Variants in SCAF8 observed in about 807,000 individuals in gnomAD.
SCAF8 encodes the protein SR-related and CTD-associated factor 8.
Under a neutral mutation model 140.5 loss-of-function variants are expected in SCAF8, and 23 were observed. That is an observed-to-expected ratio of 0.16 (90% CI 0.12 to 0.23). The LOEUF (loss-of-function observed/expected upper bound fraction) is 0.23. SCAF8 is among the 10% of genes least tolerant of loss of function. SCAF8 has a pLI of 1.00. For missense variants in SCAF8, 1,397 were observed against 1,555.7 expected (o/e 0.90, Z 1.72); for synonymous variants, 575 against 528.9 (o/e 1.09, Z -1.20).
At chr6:154,765,186 C>T (rs142377527) in intron 1 of SCAF8, among the ~76,000 whole-genome samples, 180 of 152,286 alleles carry the variant, frequency 1.2e-3, no homozygotes, top group South Asian at 2.1e-3. Flanking sequence ...AAATTCTCAA[C>T]AAATGGTCTT....
At chr6:154,805,845 C>T (rs940013671) in intron 9 of SCAF8, among the ~76,000 whole-genome samples, 1 of 152,044 alleles carries the variant, frequency 6.6e-6, no homozygotes, top group Non-Finnish European at 1.5e-5. Context: ...TCTCTCTGTT[C>T]CCTATCAAGC....
chr6:154,827,840 G>A (rs1004128676), intron 18 of SCAF8, among the ~76,000 whole-genome samples: 2 of 150,516 alleles, frequency 1.3e-5, no homozygotes, highest in Non-Finnish European at 3.0e-5. Context: ...GGGGCGGGGG[G>A]GGGGGCGGTG....
chr6:154,753,982 C>T (rs1389652380), intron 1 of SCAF8, among the ~76,000 whole-genome samples: 1 of 152,156 alleles, frequency 6.6e-6, no homozygotes, highest in Non-Finnish European at 1.5e-5. Context: ...GAATTATAGG[C>T]GCGAGCCACT....
At chr6:154,770,386 A>ACTCT (rs1195298497) in intron 1 of SCAF8, among the ~76,000 whole-genome samples, 196 of 133,466 alleles carry the variant, frequency 1.5e-3, no homozygotes, top group African/African-American at 3.9e-3. Context: ...ACACACACAC[A>ACTCT]CACTCTCTCT....
intron 18 of SCAF8, among the ~76,000 whole-genome samples, chr6:154,829,827 AAC>A (rs1301708800): frequency 6.6e-6 from 1 of 152,176 alleles, no homozygotes; most frequent in Non-Finnish European, 1.5e-5. Context: ...GAATCACTTG[AAC>A]CCAGGAGGTG....
At chr6:154,795,837 C>A (rs183337641) in intron 6 of SCAF8, among the ~76,000 whole-genome samples, 4 of 152,234 alleles carry the variant, frequency 2.6e-5, no homozygotes, top group Non-Finnish European at 4.4e-5. Flanking sequence ...TCCATTGTAT[C>A]TATACATATA....
chr6:154,787,828 T>TCCTTTC, intron 3 of SCAF8, 33 bp from the exon 4 acceptor site: 1 of 1,569,032 alleles, frequency 6.4e-7, no homozygotes. Flanking sequence ...CCTTTCCGTT[T>TCCTTTC]CCTTTCCTTT....
At chr6:154,777,507 A>C (rs1776950602) in intron 2 of SCAF8, among the ~76,000 whole-genome samples, 1 of 152,196 alleles carries the variant, frequency 6.6e-6, no homozygotes. Flanking sequence ...TTCATTTTCC[A>C]GGAGAAGCAG....
chr6:154,820,481 A>G (rs976680360), intron 15 of SCAF8, 148 bp downstream of exon 15: 13 of 606,666 alleles, frequency 2.1e-5, no homozygotes. Context: ...CCTAGTGTAC[A>G]TGCTTAATGG....
chr6:154,735,425 G>A (rs1389814101), intron 1 of SCAF8, among the ~76,000 whole-genome samples: 1 of 151,822 alleles, frequency 6.6e-6, no homozygotes, highest in Admixed American at 6.6e-5. Context: ...CAATAGCAGT[G>A]ATACATAACT....
intron 12 of SCAF8, among the ~76,000 whole-genome samples, chr6:154,814,688 A>G (rs1045137166): frequency 1.3e-5 from 2 of 152,264 alleles, no homozygotes; most frequent in Non-Finnish European, 2.9e-5. Context: ...ATAACATATG[A>G]AAATTCTGCA....
chr6:154,809,160 G>T (rs1778012273), intron 11 of SCAF8, among the ~76,000 whole-genome samples: 3 of 151,942 alleles, frequency 2.0e-5, no homozygotes, highest in Admixed American at 2.0e-4. Flanking sequence ...TACCAAAAAT[G>T]GTTATAAAAA....
intron 10 of SCAF8, 78 bp downstream of exon 10, chr6:154,808,279 G>T: frequency 7.5e-7 from 1 of 1,339,472 alleles, no homozygotes. Flanking sequence ...TACTAGCAGT[G>T]CCCTGAATAT....
intron 1 of SCAF8, among the ~76,000 whole-genome samples, chr6:154,742,450 T>C (rs1778595045): frequency 6.6e-6 from 1 of 152,200 alleles, no homozygotes; most frequent in Non-Finnish European, 1.5e-5. Context: ...GATTTTCTAA[T>C]TATAGAGGCA....
intron 1 of SCAF8, among the ~76,000 whole-genome samples, chr6:154,758,077 A>C (rs906562131): frequency 1.3e-5 from 2 of 151,712 alleles, no homozygotes; most frequent in African/African-American, 4.8e-5. Context: ...CTCCCAGCTA[A>C]TTTTTTGTAT....
At chr6:154,765,883 A>G (rs554656734) in intron 1 of SCAF8, among the ~76,000 whole-genome samples, 102 of 152,300 alleles carry the variant, frequency 6.7e-4, no homozygotes, top group Admixed American at 1.0e-3. Context: ...GCATATGTAC[A>G]GCTGACCCAT....
At chr6:154,831,183 TG>T in intron 19 of SCAF8, 43 bp downstream of exon 19, 1 of 1,216,740 alleles carries the variant, frequency 8.2e-7, no homozygotes. Context: ...GTTGCCTCTC[TG>T]TATTTGGTGT....
In SCAF8 at chr6:154,832,202, A is replaced by G. The variant is rs766420699; in HGVS notation, c.2623A>G (p.Asn875Asp). 18 of 1,614,000 alleles carry G rather than the reference A, an allele frequency of 1.1e-5. No homozygotes were observed. The highest frequency in any genetic ancestry group is 1.4e-5 in the Non-Finnish European group (17 of 1,180,008). ...SSGLLGVLPP[N>D]IPNNSGLVGV... ...TGGACTTTTGGGAGTGCTACCCCCA[A>G]ATATACCTAACAATTCTGGACTTGT... is the stretch of plus-strand genomic sequence containing the variant. The change falls in exon 20 of 20, where the codon AAT becomes GAT. Residue 875 changes from asparagine to aspartate, a missense_variant. Physicochemically the swap from Asn to Asp is conservative, Grantham distance 23. Transcript: ENST00000367178.
chr6:154,794,780 G>GGGGTGT (rs1777544977), intron 5 of SCAF8, among the ~76,000 whole-genome samples: 4 of 12,534 alleles, frequency 3.2e-4, no homozygotes, highest in Non-Finnish European at 5.3e-4. Flanking sequence ...GGGTGTGGGG[G>GGGGTGT]GTGTGTGTGT....
Sources: allele counts gnomAD v4.1 joint callset (sites outside exome capture counted in the v4.1 genomes callset), GRCh38; gene constraint gnomAD v4.1.1; transcripts MANE v1.5; gene names NCBI Gene and HGNC (gene_info 2026-07-23, HGNC 2026-07-21).